OR3A2: variants seen among roughly 807,000 people sequenced by gnomAD.
The protein encoded by OR3A2 is olfactory receptor 3A2.
For synonymous variants in OR3A2, 126 were observed against 159.3 expected, an observed-to-expected ratio of 0.79 and a Z score of 1.57; for missense variants, 318 against 392.8, an observed-to-expected ratio of 0.81 and a Z score of 1.61.
At chr17:3,386,282 TGTCCTACGACCGCCCGA>T (rs2049776426) in exon 1 of OR3A2, 3 of 398,218 alleles carry the variant, frequency 7.5e-6, no homozygotes, top group Non-Finnish European at 1.3e-5. Flanking sequence ...CTGGCGGCCA[TGTCCTACGACCGCCCGA>T]CGGCGGCGTG....
chr17:3,309,445 A>G (rs1356059946), intron 3 of OR3A2, among the ~76,000 whole-genome samples: 3 of 152,118 alleles, frequency 2.0e-5, no homozygotes. Flanking sequence ...CTAAGACTCT[A>G]TTTGTGTGAG....
intron 3 of OR3A2, among the ~76,000 whole-genome samples, chr17:3,330,242 G>C (rs2049218317): frequency 1.3e-5 from 2 of 151,632 alleles, no homozygotes; most frequent in South Asian, 4.2e-4. Context: ...TTGGTGCAGA[G>C]CTGAGTTCAA....
chr17:3,279,115 GTCC>G (rs2048762586), intron 1 of OR3A2: 3 of 843,954 alleles, frequency 3.6e-6, no homozygotes, highest in Non-Finnish European at 5.5e-6. Context: ...CCACCACCTT[GTCC>G]TCCTCATCCT....
intron 3 of OR3A2, among the ~76,000 whole-genome samples, chr17:3,333,416 C>T (rs1341364893): frequency 6.6e-6 from 1 of 152,130 alleles, no homozygotes; most frequent in Non-Finnish European, 1.5e-5. Flanking sequence ...CTTTGCTTTG[C>T]CCTTTGCCTT....
At chr17:3,282,743 G>A (rs558293671) in intron 1 of OR3A2, among the ~76,000 whole-genome samples, 1 of 152,296 alleles carries the variant, frequency 6.6e-6, no homozygotes, top group South Asian at 2.1e-4. Flanking sequence ...AAATCAAAGG[G>A]TGATAGCTCT....
chr17:3,290,925 CAT>C (rs374538872), intron 3 of OR3A2: 32 of 152,134 alleles, frequency 2.1e-4, no homozygotes, highest in African/African-American at 7.5e-4. Flanking sequence ...ATTTGAAACA[CAT>C]GGGAGAAAAA....
intron 2 of OR3A2, among the ~76,000 whole-genome samples, chr17:3,362,123 C>A (rs545667859): frequency 1.1e-4 from 17 of 151,742 alleles, no homozygotes; most frequent in South Asian, 1.0e-3. Flanking sequence ...AGAGATTCAA[C>A]TTCTTCCTGG....
intron 1 of OR3A2, among the ~76,000 whole-genome samples, chr17:3,385,251 T>C (rs2170686): frequency 0.69 from 105,668 of 152,142 alleles, 38,324 homozygotes; most frequent in East Asian, 1. Context: ...ATATAATGTG[T>C]GGTCAACAAA....
chr17:3,365,199 C>T (rs773918525), intron 2 of OR3A2, among the ~76,000 whole-genome samples: 26 of 152,102 alleles, frequency 1.7e-4, no homozygotes, highest in Non-Finnish European at 3.5e-4. Context: ...TCATAGTTCC[C>T]GACTGTATCT....
chr17:3,276,535 T>C (rs112495536), downstream of OR3A2, among the ~76,000 whole-genome samples: 198 of 152,302 alleles, frequency 1.3e-3, 1 homozygote, highest in African/African-American at 4.4e-3. Context: ...CTGAATAATT[T>C]TTAAAATAAA....
Position 3,280,473 on chromosome 17 carries a change from C to T in OR3A2, c.-6-1550G>A, listed in dbSNP as rs2676601. 5.2e-3 allele frequency among the ~76,000 whole-genome samples: 785 copies of T among 152,130 alleles called. 5 individuals are homozygous for T. The highest frequency in any genetic ancestry group is 0.017 in the African/African-American group (688 of 41,516). ...ATTTTTAGTAGAGACGGGGTTTCAC[C>T]GTGTTAGCCAGGATGGTCTCGATCT... On this transcript the variant is annotated intron_variant, in intron 1 of 1. Transcript: ENST00000642052.
intron 3 of OR3A2, among the ~76,000 whole-genome samples, chr17:3,298,575 C>T (rs9894349): frequency 0.014 from 2,142 of 152,306 alleles, 35 homozygotes; most frequent in African/African-American, 0.048. Context: ...AGTCCCAGAT[C>T]TTTCTCTCAC....
intron 3 of OR3A2, among the ~76,000 whole-genome samples, chr17:3,302,346 C>A (rs937422191): frequency 6.6e-6 from 1 of 152,192 alleles, no homozygotes; most frequent in East Asian, 1.9e-4. Context: ...TCCAACTATA[C>A]TACAAGGCTA....
At chr17:3,292,598 A>C in intron 3 of OR3A2, 1 of 1,575,906 alleles carries the variant, frequency 6.3e-7, no homozygotes, top group Non-Finnish European at 8.7e-7. Flanking sequence ...CCTGCAAAGA[A>C]ACATCCAGGG....
At chr17:3,369,115 A>G (rs141297946) in intron 2 of OR3A2, among the ~76,000 whole-genome samples, 3,638 of 152,286 alleles carry the variant, frequency 0.024, 153 homozygotes, top group African/African-American at 0.081. Context: ...TAATTCATTT[A>G]TCAGATCTAG....
At chr17:3,344,009 A>T (rs543121224) in intron 2 of OR3A2, among the ~76,000 whole-genome samples, 2 of 152,246 alleles carry the variant, frequency 1.3e-5, no homozygotes, top group Admixed American at 1.3e-4. Context: ...TCTCATTCTA[A>T]TCCATGGCTT....
At chr17:3,305,707 TAAAG>T (rs1324146650) in intron 3 of OR3A2, among the ~76,000 whole-genome samples, 1 of 152,240 alleles carries the variant, frequency 6.6e-6, no homozygotes, top group Non-Finnish European at 1.5e-5. Context: ...AGCTCAAATA[TAAAG>T]ACAGTAAAAG....
At chr17:3,318,225 C>T (rs1250754156) in intron 3 of OR3A2, among the ~76,000 whole-genome samples, 1 of 152,166 alleles carries the variant, frequency 6.6e-6, no homozygotes, top group East Asian at 1.9e-4. Flanking sequence ...TGAGGGAAGA[C>T]TGGGAATTTC....
intron 2 of OR3A2, among the ~76,000 whole-genome samples, chr17:3,368,151 T>A (rs969096688): frequency 6.6e-6 from 1 of 152,248 alleles, no homozygotes; most frequent in East Asian, 1.9e-4. Context: ...ATCAGATGCA[T>A]AGTTTGTGAA....
Sources: allele counts gnomAD v4.1 joint callset (sites outside exome capture counted in the v4.1 genomes callset), GRCh38; gene constraint gnomAD v4.1.1; transcripts MANE v1.5; gene names NCBI Gene and HGNC (gene_info 2026-07-23, HGNC 2026-07-21).